LHFPL6: variants seen among roughly 807,000 people sequenced by gnomAD.
LHFPL6 encodes the protein LHFPL tetraspan subfamily member 6, also known as LHFPL tetraspan subfamily member 6 protein.
In LHFPL6, 9 loss-of-function variants were observed where a neutral mutation model predicts 20.6. The observed-to-expected ratio is 0.44, with a 90% confidence interval of 0.26 to 0.76. The LOEUF (loss-of-function observed/expected upper bound fraction) is 0.76, where lower values mean the gene tolerates loss of function less well. Ranked by LOEUF, LHFPL6 falls within the 30% of genes least tolerant of loss-of-function variation. LHFPL6 has a pLI of 0.20. For missense variants in LHFPL6, 218 were observed against 253.5 expected (o/e 0.86, Z 0.95); for synonymous variants, 105 against 98.7 (o/e 1.06, Z -0.38).
At chr13:39,597,063 C>CT (rs1238811442) in intron 2 of LHFPL6, among the ~76,000 whole-genome samples, 4 of 152,186 alleles carry the variant, frequency 2.6e-5, no homozygotes, top group Non-Finnish European at 5.9e-5. Context: ...ACTTAACTGT[C>CT]TATTAGTTGA....
intron 2 of LHFPL6, among the ~76,000 whole-genome samples, chr13:39,484,759 G>A (rs1257583008): frequency 1.3e-5 from 2 of 152,156 alleles, no homozygotes; most frequent in Non-Finnish European, 2.9e-5. Context: ...TTTGTTATAT[G>A]CAGTGATTCT....
At chr13:39,500,064 A>G (rs1474840071) in intron 2 of LHFPL6, among the ~76,000 whole-genome samples, 1 of 152,010 alleles carries the variant, frequency 6.6e-6, no homozygotes, top group Non-Finnish European at 1.5e-5. Context: ...TTACCCCCAG[A>G]TAAGCCAGTT....
intron 2 of LHFPL6, among the ~76,000 whole-genome samples, chr13:39,511,352 A>T (rs540619348): frequency 6.6e-6 from 1 of 152,290 alleles, no homozygotes; most frequent in East Asian, 1.9e-4. Context: ...AAAATTGCAA[A>T]TGAGGATGAA....
chr13:39,399,824 T>C (rs1870941433), intron 2 of LHFPL6, among the ~76,000 whole-genome samples: 3 of 152,236 alleles, frequency 2.0e-5, no homozygotes. Flanking sequence ...CCAGGTGCAG[T>C]GGCTCACGCC....
intron 2 of LHFPL6, among the ~76,000 whole-genome samples, chr13:39,471,848 T>C (rs1593325916): frequency 6.6e-6 from 1 of 152,252 alleles, no homozygotes; most frequent in South Asian, 2.1e-4. Context: ...TTCCCATTTA[T>C]TGTTATCCTA....
intron 2 of LHFPL6, among the ~76,000 whole-genome samples, chr13:39,597,741 C>T (rs2138554778): frequency 6.6e-6 from 1 of 152,280 alleles, no homozygotes; most frequent in South Asian, 2.1e-4. Flanking sequence ...TGAGGTATTC[C>T]TACTATAGGT....
At chr13:39,403,049 A>G (rs1380008362) in intron 2 of LHFPL6, among the ~76,000 whole-genome samples, 2 of 152,254 alleles carry the variant, frequency 1.3e-5, no homozygotes, top group African/African-American at 2.4e-5. Context: ...AACGGGACAC[A>G]CAGTGACCCA....
At chr13:39,437,763 G>T (rs1405350337) in intron 2 of LHFPL6, among the ~76,000 whole-genome samples, 7 of 152,032 alleles carry the variant, frequency 4.6e-5, no homozygotes, top group Non-Finnish European at 1.0e-4. Context: ...TTAGCTGGGC[G>T]TGGTGGCGGG....
chr13:39,392,103 C>T (rs1003309681), intron 2 of LHFPL6, among the ~76,000 whole-genome samples: 1 of 152,070 alleles, frequency 6.6e-6, no homozygotes, highest in Admixed American at 6.5e-5. Context: ...TCCACTTTGA[C>T]TTAATTTAAA....
rs1275626463 is a variant in LHFPL6 at position 39,562,631 on chromosome 13, T to TATATACACATATATACACACATATACAC, written c.385+38200_385+38201insGTGTATATGTGTGTATATATGTGTATAT. ...ACATATATACACATATATACACACA[T>TATATACACATATATACACACATATACAC]ATATATACACATATATACACACATA... On this transcript the variant is annotated intron_variant, in intron 2 of 3. Coordinates refer to ENST00000379589, the MANE Select transcript of LHFPL6 (RefSeq NM_005780.3). 1.6e-4 allele frequency among the ~76,000 whole-genome samples: 5 copies of TATATACACATATATACACACATATACAC among 31,200 alleles called. No homozygotes were observed. In the East Asian group the frequency reaches 2.0e-3, roughly 13 times the overall value. The allele number at this position is 31,200 out of a possible 152,430, so 20.5% of individuals were successfully genotyped here. A position where few individuals can be genotyped will look rare whatever the true frequency, so the allele number is the denominator to read the frequency against.
intron 2 of LHFPL6, among the ~76,000 whole-genome samples, chr13:39,569,654 T>C (rs954088143): frequency 1.3e-5 from 2 of 152,246 alleles, no homozygotes; most frequent in African/African-American, 2.4e-5. Context: ...TTTTGTAAGA[T>C]ATTTGATGAA....
intron 2 of LHFPL6, among the ~76,000 whole-genome samples, chr13:39,505,192 G>T (rs988544173): frequency 3.3e-5 from 5 of 152,200 alleles, no homozygotes; most frequent in African/African-American, 9.6e-5. Flanking sequence ...GTGAGGTCAA[G>T]AGAATGGTTT....
intron 2 of LHFPL6, among the ~76,000 whole-genome samples, chr13:39,560,755 T>A (rs1222286529): frequency 1.3e-5 from 2 of 152,062 alleles, no homozygotes; most frequent in African/African-American, 4.8e-5. Context: ...GACCTCATGA[T>A]CCGCCCACCT....
At chr13:39,530,754 G>A (rs1870441364) in intron 2 of LHFPL6, among the ~76,000 whole-genome samples, 1 of 151,350 alleles carries the variant, frequency 6.6e-6, no homozygotes, top group Admixed American at 6.6e-5. Flanking sequence ...TTTCACCTGT[G>A]ATAAGGCAAA....
chr13:39,398,216 T>C (rs1870892367), intron 2 of LHFPL6, among the ~76,000 whole-genome samples: 1 of 152,214 alleles, frequency 6.6e-6, no homozygotes, highest in South Asian at 2.1e-4. Context: ...GTTTTCCTAC[T>C]GAGTTTCTGA....
intron 3 of LHFPL6, among the ~76,000 whole-genome samples, chr13:39,368,891 C>T (rs1489616145): frequency 6.6e-6 from 1 of 152,134 alleles, no homozygotes; most frequent in African/African-American, 2.4e-5. Flanking sequence ...TATTTGACAA[C>T]AGAGCCACTA....
At chr13:39,493,707 G>A (rs1024978728) in intron 2 of LHFPL6, among the ~76,000 whole-genome samples, 1 of 152,142 alleles carries the variant, frequency 6.6e-6, no homozygotes, top group African/African-American at 2.4e-5. Flanking sequence ...CATATGAAAT[G>A]CTCTATAATA....
intron 2 of LHFPL6, among the ~76,000 whole-genome samples, chr13:39,566,060 T>C (rs1021043926): frequency 3.3e-5 from 5 of 152,212 alleles, no homozygotes; most frequent in Non-Finnish European, 5.9e-5. Context: ...GAAAGGACTT[T>C]TAGGAACTTG....
chr13:39,409,467 A>C (rs1357460969), intron 2 of LHFPL6, among the ~76,000 whole-genome samples: 1 of 152,064 alleles, frequency 6.6e-6, no homozygotes, highest in Non-Finnish European at 1.5e-5. Flanking sequence ...AACAAAAAAA[A>C]CAAAAAAACA....
Sources: gnomAD v4.1 joint callset for allele counts (sites outside exome capture counted in the v4.1 genomes callset) on GRCh38, gnomAD v4.1.1 for gene constraint, MANE v1.5 for transcripts, NCBI Gene and HGNC (gene_info 2026-07-23, HGNC 2026-07-21) for gene names.